RIT2: variants seen among roughly 807,000 people sequenced by gnomAD.
RIT2 encodes the protein GTP-binding protein Rit2.
RIT2 carries 24 observed loss-of-function variants against 23.7 expected under a neutral mutation model. That is an observed-to-expected ratio of 1.01 (90% confidence interval 0.73 to 1.43). RIT2 has a LOEUF of 1.43. Among genes scored for constraint, RIT2 ranks in the 40% most tolerant of loss-of-function variants. The pLI is 0.00. For missense variants in RIT2, 236 were observed against 266.9 expected (o/e 0.88, Z 0.81); for synonymous variants, 107 against 91.1 (o/e 1.17, Z -0.99).
intron 3 of RIT2, among the ~76,000 whole-genome samples, chr18:42,956,971 T>TA (rs905247022): frequency 1.3e-5 from 2 of 152,146 alleles, no homozygotes; most frequent in African/African-American, 4.8e-5. Context: ...ACAAAATGTT[T>TA]ACTGATAATT....
chr18:42,819,139 A>G (rs1391101466), intron 4 of RIT2, among the ~76,000 whole-genome samples: 1 of 152,096 alleles, frequency 6.6e-6, no homozygotes, highest in Non-Finnish European at 1.5e-5. Context: ...TATCTAAAAT[A>G]AATGTTTCTC....
intron 4 of RIT2, among the ~76,000 whole-genome samples, chr18:42,762,451 A>T (rs182550945): frequency 2.2e-4 from 33 of 152,312 alleles, no homozygotes; most frequent in African/African-American, 7.9e-4. Flanking sequence ...ACAACAATGA[A>T]ATTTCGGTTG....
At chr18:42,772,484 G>A (rs970845491) in intron 4 of RIT2, among the ~76,000 whole-genome samples, 9 of 151,704 alleles carry the variant, frequency 5.9e-5, no homozygotes, top group African/African-American at 1.7e-4. Flanking sequence ...AAACTTCTAG[G>A]CCTTCTTGAA....
At chr18:42,870,927 T>C (rs1179618468) in intron 4 of RIT2, among the ~76,000 whole-genome samples, 1 of 152,230 alleles carries the variant, frequency 6.6e-6, no homozygotes, top group African/African-American at 2.4e-5. Context: ...CATAAAAGAC[T>C]GAATATTTCA....
At chr18:42,814,707 A>G (rs1367084429) in intron 4 of RIT2, among the ~76,000 whole-genome samples, 1 of 152,124 alleles carries the variant, frequency 6.6e-6, no homozygotes, top group Admixed American at 6.5e-5. Context: ...TCCTCCCCAT[A>G]CTACCACAGC....
intron 3 of RIT2, among the ~76,000 whole-genome samples, chr18:42,937,651 T>G (rs1022610980): frequency 1.3e-5 from 2 of 152,148 alleles, no homozygotes; most frequent in Non-Finnish European, 2.9e-5. Flanking sequence ...AGCTTCCTGA[T>G]CTACATTGTC....
Position 43,003,481 on chromosome 18 carries a change from G to A in RIT2, c.161-29334C>T, listed in dbSNP as rs150400444. ...CCCTTCAGAAGAAAGCCTCTTATAT[G>A]AAGAATTGGTCTCATACAGATTTTT... On this transcript the variant is annotated intron_variant, in intron 2 of 4. Transcript: ENST00000326695. Among the ~76,000 whole-genome samples, 792 of 151,960 alleles carry A rather than the reference G, an allele frequency of 5.2e-3. 6 individuals are homozygous for A. The highest frequency in any genetic ancestry group is 7.6e-3 in the Non-Finnish European group (517 of 67,906).
chr18:42,990,305 T>C (rs1476679484), intron 2 of RIT2, among the ~76,000 whole-genome samples: 1 of 152,088 alleles, frequency 6.6e-6, no homozygotes, highest in African/African-American at 2.4e-5. Context: ...ATGGGGCCCA[T>C]CCACATTAGG....
rs570615914 is a variant in RIT2 at position 42,892,569 on chromosome 18, G to A, written c.426+31003C>T. Among the ~76,000 whole-genome samples, 4 of 152,168 alleles carry A rather than the reference G, an allele frequency of 2.6e-5. No homozygotes were observed. In the South Asian group the frequency reaches 6.2e-4, roughly 24 times the overall value. ...GCTGCCTGATTCACATTCAGAATCTGAAGTTGCTTTGAATCTATGCAAAGC... is the reference window on the plus strand; with the variant it reads ...GCTGCCTGATTCACATTCAGAATCTAAAGTTGCTTTGAATCTATGCAAAGC... On this transcript the variant is annotated intron_variant, in intron 4 of 4. Transcript: ENST00000326695.
At chr18:42,881,037 C>G (rs1226446414) in intron 4 of RIT2, among the ~76,000 whole-genome samples, 1 of 152,024 alleles carries the variant, frequency 6.6e-6, no homozygotes, top group African/African-American at 2.4e-5. Flanking sequence ...AACTTCCAAC[C>G]TCAGGTGATC....
intron 4 of RIT2, among the ~76,000 whole-genome samples, chr18:42,891,266 A>G (rs2144093777): frequency 6.6e-6 from 1 of 152,274 alleles, no homozygotes; most frequent in Admixed American, 6.5e-5. Flanking sequence ...AGCAACTTGA[A>G]GGTACATCAA....
intron 4 of RIT2, among the ~76,000 whole-genome samples, chr18:42,769,758 T>C (rs975458896): frequency 1.7e-4 from 25 of 151,452 alleles, no homozygotes; most frequent in Non-Finnish European, 3.4e-4. Context: ...TAGCAGGATA[T>C]TGAATGATTT....
chr18:42,967,218 CTT>C (rs1355327054), intron 3 of RIT2, among the ~76,000 whole-genome samples: 1 of 152,002 alleles, frequency 6.6e-6, no homozygotes, highest in Non-Finnish European at 1.5e-5. Context: ...ATAGTTGCCT[CTT>C]AAATACAGGG....
chr18:42,853,343 T>G (rs1907105523), intron 4 of RIT2, among the ~76,000 whole-genome samples: 2 of 152,216 alleles, frequency 1.3e-5, no homozygotes. Flanking sequence ...ACTTTTAAAT[T>G]CTGACTATGT....
chr18:43,042,126 TG>T (rs1912142319), intron 1 of RIT2, among the ~76,000 whole-genome samples: 1 of 152,096 alleles, frequency 6.6e-6, no homozygotes, highest in South Asian at 2.1e-4. Flanking sequence ...GTCAGTGAAA[TG>T]GGAAAAATGA....
At chr18:42,921,770 C>T (rs1018952732) in intron 4 of RIT2, among the ~76,000 whole-genome samples, 8 of 152,002 alleles carry the variant, frequency 5.3e-5, no homozygotes, top group Non-Finnish European at 1.0e-4. Context: ...CTTAGAAGTG[C>T]AACAAAAATG....
intron 4 of RIT2, among the ~76,000 whole-genome samples, chr18:42,821,131 G>A (rs373162624): frequency 4.6e-5 from 7 of 152,136 alleles, no homozygotes; most frequent in African/African-American, 1.7e-4. Context: ...GCCAAAATAG[G>A]CCTTTTTATC....
At chr18:42,966,169 T>G (rs1910219689) in intron 3 of RIT2, among the ~76,000 whole-genome samples, 1 of 152,170 alleles carries the variant, frequency 6.6e-6, no homozygotes, top group South Asian at 2.1e-4. Flanking sequence ...GTAAATTGAC[T>G]TCAGAGTTTC....
At chr18:42,940,855 G>C (rs1344796191) in intron 3 of RIT2, among the ~76,000 whole-genome samples, 1 of 152,084 alleles carries the variant, frequency 6.6e-6, no homozygotes, top group Non-Finnish European at 1.5e-5. Flanking sequence ...AAAATAGCAT[G>C]CTGGTAAGTT....
Sources: allele counts gnomAD v4.1 joint callset (sites outside exome capture counted in the v4.1 genomes callset), GRCh38; gene constraint gnomAD v4.1.1; transcripts MANE v1.5; gene names NCBI Gene and HGNC (gene_info 2026-07-23, HGNC 2026-07-21).